The following KIAA0513 variants were observed in gnomAD, a reference collection of about 807,000 sequenced individuals.
The protein encoded by KIAA0513 is KIAA0513.
In KIAA0513, 39 loss-of-function variants were observed where a neutral mutation model predicts 56.5. The observed-to-expected ratio is 0.69, with a 90% CI of 0.53 to 0.90. The LOEUF (loss-of-function observed/expected upper bound fraction) is 0.90, where lower values mean the gene tolerates loss of function less well. Among genes scored for constraint, KIAA0513 ranks in the 40% least tolerant of loss-of-function variants. KIAA0513 has a pLI of 0.00. For missense variants in KIAA0513, 591 were observed against 535.2 expected, an observed-to-expected ratio of 1.10 and a Z score of -1.03; for synonymous variants, 268 against 215.6, an observed-to-expected ratio of 1.24 and a Z score of -2.13.
chr16:85,088,223 C>T, intron 12 of KIAA0513, 53 bp from the exon 13 acceptor site: 12 of 1,544,206 alleles, frequency 7.8e-6, no homozygotes, highest in Non-Finnish European at 1.1e-5. Flanking sequence ...GCAGGATATA[C>T]CTGTCCCTGT....
intron 1 of KIAA0513, among the ~76,000 whole-genome samples, chr16:85,065,671 C>T (rs959571587): frequency 6.6e-6 from 1 of 152,200 alleles, no homozygotes; most frequent in Non-Finnish European, 1.5e-5. Context: ...GTTTCACAGC[C>T]ACCTCACTGG....
Position 85,072,930 on chromosome 16 carries a change from CAA to C in KIAA0513, c.436_437del (p.Asn146LeufsTer28). 1 of 1,614,152 alleles carries C rather than the reference CAA, an allele frequency of 6.2e-7. No individual in the cohort carries two copies. The highest frequency in any genetic ancestry group is 8.5e-7 in the Non-Finnish European group (1 of 1,179,986). ...GTCTGCCTCTTTCTGGACAGCGCTG[CAA>C]CTCCAAGTGTGTCTCAGAGGCAACC... is the stretch of plus-strand genomic sequence containing the variant. ...FARYVSAQRCNSKCVSEATFY... is the reference protein window; with the variant it reads ...FARYVSAQRCXSKCVSEATFY... On this transcript the variant is annotated frameshift_variant, in exon 4 of 13. Coordinates refer to ENST00000683363, the MANE Select transcript of KIAA0513 (RefSeq NM_001388359.1).
chr16:85,038,198 C>A (rs2073059727), intron 1 of KIAA0513, among the ~76,000 whole-genome samples: 1 of 152,204 alleles, frequency 6.6e-6, no homozygotes, highest in African/African-American at 2.4e-5. Context: ...CAGGTCCATG[C>A]CCTTGAAGAG....
At chr16:85,069,887 A>C (rs1433307861) in intron 2 of KIAA0513, among the ~76,000 whole-genome samples, 1 of 152,142 alleles carries the variant, frequency 6.6e-6, no homozygotes, top group African/African-American at 2.4e-5. Context: ...ATTTGTGGCC[A>C]GGCTCAGTGG....
chr16:85,067,227 C>T lies in KIAA0513; in HGVS notation c.156C>T (p.Asp52=), dbSNP rs1450566380. The T allele has an allele frequency of 1.9e-6, 3 of 1,614,162 alleles. No individual in the cohort carries two copies. The highest frequency in any genetic ancestry group is 2.5e-6 in the Non-Finnish European group (3 of 1,180,012). ...AGAGTGAGACCACTGAGTCTGCGGACAGTGAGAATGACATGGGCGAGTCGC... is the reference window on the plus strand; with the variant it reads ...AGAGTGAGACCACTGAGTCTGCGGATAGTGAGAATGACATGGGCGAGTCGC... ...ASESETTESA[D]SENDMGESPS... The change falls in exon 2 of 13, where the codon GAC becomes GAT. Residue 52 remains aspartate, a synonymous_variant. Transcript: ENST00000683363.
In KIAA0513 at chr16:85,067,158, T is replaced by A; in HGVS notation, c.87T>A (p.Pro29=). 6.2e-7 allele frequency: 1 copy of A among 1,614,052 alleles called. No individual in the cohort carries two copies. Among genetic ancestry groups the A allele is most frequent in the African/African-American group, 1.3e-5 (1 of 75,038 alleles). ...CTTCTCCCCTGGAGGCACCACCCCC[T>A]GTGCTGCAGGACGGCGATGGCTCCC... ...PTSSPLEAPP[P]VLQDGDGSLG... The change falls in exon 2 of 13, where the codon CCT becomes CCA. Residue 29 remains proline, a synonymous_variant. Transcript: ENST00000683363.
chr16:85,073,036 A>G, intron 4 of KIAA0513, 38 bp downstream of exon 4: 1 of 1,559,838 alleles, frequency 6.4e-7, no homozygotes, highest in Non-Finnish European at 8.8e-7. Flanking sequence ...TGTCCTGGCA[A>G]GCTCCTCTTC....
At chr16:85,060,872 G>A (rs1190592335) in intron 1 of KIAA0513, among the ~76,000 whole-genome samples, 2 of 149,774 alleles carry the variant, frequency 1.3e-5, no homozygotes. Flanking sequence ...GAAAGAAAAA[G>A]ACTGGGCCCA....
At chr16:85,065,157 G>C (rs976437356) in intron 1 of KIAA0513, among the ~76,000 whole-genome samples, 5 of 152,216 alleles carry the variant, frequency 3.3e-5, no homozygotes, top group Non-Finnish European at 5.9e-5. Flanking sequence ...TTTTAATGCC[G>C]GGCATGTTAC....
At chr16:85,083,753 C>A (rs926415479) in intron 10 of KIAA0513, among the ~76,000 whole-genome samples, 3 of 152,220 alleles carry the variant, frequency 2.0e-5, no homozygotes, top group African/African-American at 7.2e-5. Context: ...CCTGAGCCTT[C>A]CCCAGAAGAA....
At chr16:85,046,470 C>G (rs1180841781) in intron 1 of KIAA0513, among the ~76,000 whole-genome samples, 1 of 152,218 alleles carries the variant, frequency 6.6e-6, no homozygotes, top group South Asian at 2.1e-4. Context: ...CAGCGGAGGC[C>G]CGTCTGCTCT....
At chr16:85,050,737 T>C (rs1332253448) in intron 1 of KIAA0513, among the ~76,000 whole-genome samples, 3 of 152,232 alleles carry the variant, frequency 2.0e-5, no homozygotes, top group African/African-American at 7.2e-5. Context: ...TTGTGCATTG[T>C]TGCTGAGTCA....
chr16:85,051,520 AC>A (rs1379913576), intron 1 of KIAA0513, among the ~76,000 whole-genome samples: 2 of 152,048 alleles, frequency 1.3e-5, no homozygotes, highest in African/African-American at 2.4e-5. Flanking sequence ...TCAAAAGGAG[AC>A]CCCAGAGAAC....
intron 1 of KIAA0513, among the ~76,000 whole-genome samples, chr16:85,056,636 C>T (rs767283864): frequency 1.2e-4 from 18 of 152,254 alleles, no homozygotes; most frequent in African/African-American, 3.9e-4. Context: ...CCGCGCTCGC[C>T]GAGAGCCCTT....
chr16:85,091,259 AC>A lies in KIAA0513; in HGVS notation c.*2935del, dbSNP rs2144126134. 1 of 152,364 alleles carries A rather than the reference AC, an allele frequency of 6.6e-6. No homozygotes were observed. Among genetic ancestry groups the A allele is most frequent in the East Asian group, 1.9e-4 (1 of 5,188 alleles). The allele number at this position is 152,364 out of a possible 1,614,324, so 9.4% of individuals were successfully genotyped here. ...CCTGCTTTGAAAACAGGACATGTTG[AC>A]AGGCAGCATGGTATGTTTTTAGCCT... On this transcript the variant is annotated 3_prime_UTR_variant, in exon 13 of 13. Transcript: ENST00000683363.
intron 1 of KIAA0513, among the ~76,000 whole-genome samples, chr16:85,058,885 G>C (rs2073366150): frequency 6.6e-6 from 1 of 152,148 alleles, no homozygotes; most frequent in Non-Finnish European, 1.5e-5. Context: ...TATGAGCAAG[G>C]ATGCTTTTCT....
chr16:85,077,334 G>T, intron 5 of KIAA0513, 91 bp from the exon 6 acceptor site: 1 of 1,233,274 alleles, frequency 8.1e-7, no homozygotes, highest in Non-Finnish European at 1.1e-6. Flanking sequence ...CCACTGCACA[G>T]GACCCCTGCG....
At chr16:85,077,774 C>A (rs557728632) in intron 6 of KIAA0513, 142 bp downstream of exon 6, 6 of 666,666 alleles carry the variant, frequency 9.0e-6, no homozygotes, top group Admixed American at 3.0e-5. Flanking sequence ...CTTCTGCCCC[C>A]ACGGCTTGCT....
chr16:85,075,827 C>G lies in KIAA0513; in HGVS notation c.504-17C>G, dbSNP rs1007720803. ...GGTGGAGCGATCTTTAGCCATGAGC[C>G]TTGCCTCTTGTTTCAGGTGTCATCA... On this transcript the variant is annotated splice_polypyrimidine_tract_variant and intron_variant, in intron 4 of 12. Coordinates refer to ENST00000683363, the MANE Select transcript of KIAA0513 (RefSeq NM_001388359.1). 1.2e-6 allele frequency: 2 copies of G among 1,613,770 alleles called. No individual in the cohort carries two copies. Among genetic ancestry groups the G allele is most frequent in the Non-Finnish European group, 1.7e-6 (2 of 1,179,778 alleles).
Sources: allele counts gnomAD v4.1 joint callset (sites outside exome capture counted in the v4.1 genomes callset), GRCh38; gene constraint gnomAD v4.1.1; transcripts MANE v1.5; gene names NCBI Gene and HGNC (gene_info 2026-07-23, HGNC 2026-07-21).